Variants in VAT1L observed in about 807,000 individuals in gnomAD.
VAT1L encodes vesicle amine transport 1 like.
A neutral mutation model predicts 44.1 loss-of-function variants in VAT1L; 34 were observed. The ratio of observed to expected loss-of-function variants is 0.77; its 90% CI spans 0.59 to 1.03. The LOEUF (loss-of-function observed/expected upper bound fraction) is 1.03, where lower values mean the gene tolerates loss of function less well. Among genes scored for constraint, VAT1L ranks in the 50% least tolerant of loss-of-function variants. The pLI is 0.00. For synonymous variants in VAT1L, 253 were observed against 202.2 expected (o/e 1.25, Z -2.13); for missense variants, 615 against 538.8 (o/e 1.14, Z -1.40).
At chr16:77,860,248 C>G (rs2016902488) in intron 3 of VAT1L, among the ~76,000 whole-genome samples, 1 of 152,180 alleles carries the variant, frequency 6.6e-6, no homozygotes, top group Non-Finnish European at 1.5e-5. Flanking sequence ...AACTTTGTTA[C>G]AGCAGCACTA....
intron 7 of VAT1L, among the ~76,000 whole-genome samples, chr16:77,965,510 C>T (rs2018213720): frequency 6.6e-6 from 1 of 152,188 alleles, no homozygotes; most frequent in Non-Finnish European, 1.5e-5. Context: ...CTCAGATTTC[C>T]TCCCTCCACT....
rs1216411306 is a variant in VAT1L, at chr16:77,942,891, C to T, written c.1078-28959C>T. ...TCCCAAGTAGCTGGGATTACAGGCA[C>T]CCACCATCACACCCGGCTAATTTTT... On this transcript the variant is annotated intron_variant, in intron 7 of 8. Coordinates refer to ENST00000302536, the MANE Select transcript of VAT1L (RefSeq NM_020927.3). Among the ~76,000 whole-genome samples, 4 of 151,216 alleles carry T rather than the reference C, an allele frequency of 2.6e-5. No homozygotes were observed. The Admixed American group carries it at 2.6e-4, about 10-fold the overall frequency.
chr16:77,842,978 G>A (rs254772), intron 3 of VAT1L, among the ~76,000 whole-genome samples: 35,170 of 152,060 alleles, frequency 0.23, 4,300 homozygotes, highest in Middle Eastern at 0.29. Context: ...GAGGTATAGC[G>A]TATTCTCATC....
chr16:77,944,870 A>G (rs1474851937), intron 7 of VAT1L, among the ~76,000 whole-genome samples: 3 of 152,112 alleles, frequency 2.0e-5, no homozygotes, highest in African/African-American at 7.2e-5. Flanking sequence ...AAAGAGTCCA[A>G]ACAGATGGAA....
At chr16:77,889,406 A>G (rs1161983392) in intron 7 of VAT1L, among the ~76,000 whole-genome samples, 2 of 152,220 alleles carry the variant, frequency 1.3e-5, no homozygotes, top group East Asian at 3.9e-4. Context: ...CTCACCAAAC[A>G]GTTTAGAGAT....
At chr16:77,828,479 C>T (rs1299258467) in intron 3 of VAT1L, among the ~76,000 whole-genome samples, 2 of 152,166 alleles carry the variant, frequency 1.3e-5, no homozygotes, top group South Asian at 2.1e-4. Flanking sequence ...GCCTGGCCAA[C>T]GTGGAGAAAC....
At chr16:77,895,999 G>A (rs370586953) in intron 7 of VAT1L, among the ~76,000 whole-genome samples, 4 of 152,342 alleles carry the variant, frequency 2.6e-5, no homozygotes, top group Admixed American at 2.6e-4. Flanking sequence ...GAAAGATGGA[G>A]GTTGGCACAT....
intron 1 of VAT1L, among the ~76,000 whole-genome samples, chr16:77,794,601 C>A (rs999360037): frequency 6.6e-6 from 1 of 152,214 alleles, no homozygotes; most frequent in Non-Finnish European, 1.5e-5. Context: ...AGGTGGCCAA[C>A]ATGATATTCC....
chr16:77,936,235 C>A (rs192042906), intron 7 of VAT1L, among the ~76,000 whole-genome samples: 1 of 152,138 alleles, frequency 6.6e-6, no homozygotes, highest in African/African-American at 2.4e-5. Context: ...CTTAAGGCTG[C>A]GAAACACTTG....
chr16:77,892,935 A>G (rs1209839038), intron 7 of VAT1L: 2 of 897,682 alleles, frequency 2.2e-6, no homozygotes, highest in African/African-American at 1.6e-5. Flanking sequence ...CTTGTGTTTT[A>G]TCTTAACCTC....
chr16:77,857,364 T>G (rs1015637802), intron 3 of VAT1L, among the ~76,000 whole-genome samples: 1 of 152,044 alleles, frequency 6.6e-6, no homozygotes, highest in African/African-American at 2.4e-5. Flanking sequence ...ACCTCGGGAG[T>G]TGGAGAAGGG....
chr16:77,959,505 T>C (rs953153780), intron 7 of VAT1L, among the ~76,000 whole-genome samples: 8 of 152,234 alleles, frequency 5.3e-5, no homozygotes, highest in African/African-American at 1.9e-4. Context: ...GTATTACTCA[T>C]TTCTTCTTTT....
intron 3 of VAT1L, among the ~76,000 whole-genome samples, chr16:77,844,862 A>G (rs1056557431): frequency 6.6e-6 from 1 of 151,726 alleles, no homozygotes; most frequent in Non-Finnish European, 1.5e-5. Context: ...GTGCATGTGT[A>G]TATATATATA....
At position 77,879,539 on chromosome 16, in the gene VAT1L, G is replaced by C. The variant is rs1482002604; in HGVS notation, c.882+315G>C. On this transcript the variant is annotated intron_variant, in intron 6 of 8. Coordinates refer to ENST00000302536, the MANE Select transcript of VAT1L (RefSeq NM_020927.3). The surrounding 1 kb of genome is among the most constrained non-coding windows in gnomAD (Gnocchi z 4.1). ...CTGACCTCGTGATCTGCCCGCCTCA[G>C]CCTCCCAAAGTGCTGGGATTACAGG... 6.6e-6 allele frequency among the ~76,000 whole-genome samples: 1 copy of C among 152,228 alleles called. No homozygotes were observed. The highest frequency in any genetic ancestry group is 2.1e-4 in the South Asian group (1 of 4,834).
At chr16:77,841,528 C>A (rs766349859) in intron 3 of VAT1L, among the ~76,000 whole-genome samples, 1 of 152,174 alleles carries the variant, frequency 6.6e-6, no homozygotes, top group African/African-American at 2.4e-5. Flanking sequence ...ACACTGGAAG[C>A]GTAAATTACT....
At chr16:77,877,030 G>T (rs545465280) in intron 5 of VAT1L, among the ~76,000 whole-genome samples, 2 of 151,988 alleles carry the variant, frequency 1.3e-5, no homozygotes, top group South Asian at 2.1e-4. Context: ...TAAGACAGAA[G>T]CCCTGGATAG....
intron 3 of VAT1L, among the ~76,000 whole-genome samples, chr16:77,836,900 A>G (rs2016645139): frequency 6.6e-6 from 1 of 152,216 alleles, no homozygotes; most frequent in Non-Finnish European, 1.5e-5. Context: ...AAGCTCAGGA[A>G]GACAGAAGAG....
intron 7 of VAT1L, among the ~76,000 whole-genome samples, chr16:77,971,594 A>T (rs1046423000): frequency 2.6e-5 from 4 of 152,182 alleles, no homozygotes; most frequent in African/African-American, 9.6e-5. Flanking sequence ...CCTTTTAAGG[A>T]ATGTTCATCT....
chr16:77,964,378 C>T (rs1207543473), intron 7 of VAT1L, among the ~76,000 whole-genome samples: 9 of 152,174 alleles, frequency 5.9e-5, no homozygotes, highest in Admixed American at 3.9e-4. Context: ...TTATTTCCTT[C>T]CCTTCTTTAG....
Sources: allele counts gnomAD v4.1 joint callset (sites outside exome capture counted in the v4.1 genomes callset), GRCh38; gene constraint gnomAD v4.1.1; non-coding constraint Gnocchi (gnomAD v3.1); transcripts MANE v1.5; gene names NCBI Gene and HGNC (gene_info 2026-07-23, HGNC 2026-07-21).